PLXNC1: variants seen among roughly 807,000 people sequenced by gnomAD.
PLXNC1 encodes plexin-C1.
In PLXNC1, 75 loss-of-function variants were observed where a neutral mutation model predicts 178.2. The ratio of observed to expected loss-of-function variants is 0.42; its 90% confidence interval spans 0.35 to 0.51. The LOEUF (loss-of-function observed/expected upper bound fraction) is 0.51. Ranked by LOEUF, PLXNC1 falls within the 20% of genes least tolerant of loss-of-function variation. PLXNC1 has a pLI of 0.02. For missense variants in PLXNC1, 1,503 were observed against 1,984.4 expected (o/e 0.76, Z 4.61); for synonymous variants, 790 against 779.9 (o/e 1.01, Z -0.22).
intron 15 of PLXNC1, chr12:94,254,531 T>C: frequency 1.6e-6 from 1 of 625,082 alleles, no homozygotes; most frequent in East Asian, 3.3e-5. Flanking sequence ...AGCTTTCACT[T>C]GTAAAATGAG....
At chr12:94,263,166 A>G (rs914559675) in intron 20 of PLXNC1, among the ~76,000 whole-genome samples, 2 of 152,144 alleles carry the variant, frequency 1.3e-5, no homozygotes, top group East Asian at 1.9e-4. Context: ...TGATTCCCCA[A>G]ATCAGCCACA....
chr12:94,262,571 C>T, intron 20 of PLXNC1: 6 of 985,464 alleles, frequency 6.1e-6, no homozygotes, highest in Non-Finnish European at 7.2e-6. Context: ...GAGGGGGCGG[C>T]TCGGCTCGCC....
At position 94,186,451 on chromosome 12, in the gene PLXNC1, G is replaced by C; in HGVS notation, c.1417G>C (p.Gly473Arg). 3 of 1,612,898 alleles carry C rather than the reference G, an allele frequency of 1.9e-6. No homozygotes were observed. Among genetic ancestry groups the C allele is most frequent in the Non-Finnish European group, 2.5e-6 (3 of 1,178,936 alleles). The change falls in exon 4 of 31, where the codon GGT becomes CGT. Residue 473 changes from glycine to arginine, a missense_variant. Gly to Arg is a moderately radical substitution (Grantham distance 125, BLOSUM62 -2). Transcript: ENST00000258526. The part of the protein sequence containing the change: ...ECLTATDPHC[G>R]WCHSLQRCTF... The stretch of plus-strand genomic sequence containing the variant: ...TTTAACAGCCACAGACCCTCACTGC[G>C]GTTGGTGCCATTCGCTACAAAGGTA...
intron 23 of PLXNC1, among the ~76,000 whole-genome samples, chr12:94,284,028 A>G (rs1054020409): frequency 2.7e-5 from 4 of 147,292 alleles, no homozygotes; most frequent in Admixed American, 7.1e-5. Flanking sequence ...GGTTGCAGTG[A>G]GCTGAGATGG....
At chr12:94,266,620 G>C (rs1409523755) in intron 21 of PLXNC1, among the ~76,000 whole-genome samples, 1 of 152,160 alleles carries the variant, frequency 6.6e-6, no homozygotes, top group Non-Finnish European at 1.5e-5. Context: ...ATGGACTCTG[G>C]GGCCAGACAT....
At chr12:94,240,330 G>A (rs1159932305) in intron 10 of PLXNC1, among the ~76,000 whole-genome samples, 155 bp from the exon 11 acceptor site, 5 of 152,164 alleles carry the variant, frequency 3.3e-5, no homozygotes, top group Non-Finnish European at 7.4e-5. Context: ...ACCAACTTGG[G>A]TCACTGGCCC....
intron 4 of PLXNC1, among the ~76,000 whole-genome samples, chr12:94,205,351 A>C (rs1963267446): frequency 6.6e-6 from 1 of 152,248 alleles, no homozygotes; most frequent in South Asian, 2.1e-4. Flanking sequence ...GCTGAGCAGA[A>C]ACACAAATAA....
intron 5 of PLXNC1, among the ~76,000 whole-genome samples, chr12:94,213,951 C>T (rs1963567860): frequency 6.6e-6 from 1 of 151,482 alleles, no homozygotes; most frequent in African/African-American, 2.4e-5. Flanking sequence ...ACTGCAACCT[C>T]CACCTCCCAG....
intron 4 of PLXNC1, among the ~76,000 whole-genome samples, chr12:94,204,779 C>G (rs1475953970): frequency 6.6e-6 from 1 of 152,194 alleles, no homozygotes; most frequent in African/African-American, 2.4e-5. Context: ...AGCAAAAGAC[C>G]TTGGGTTGCT....
chr12:94,287,834 A>G (rs1966872003), intron 23 of PLXNC1, among the ~76,000 whole-genome samples: 1 of 152,174 alleles, frequency 6.6e-6, no homozygotes, highest in East Asian at 1.9e-4. Context: ...AACACGTATA[A>G]TGCTTCTTGT....
intron 4 of PLXNC1, among the ~76,000 whole-genome samples, chr12:94,209,303 G>A (rs1435279613): frequency 6.6e-6 from 1 of 152,152 alleles, no homozygotes; most frequent in Non-Finnish European, 1.5e-5. Context: ...AGATATATTT[G>A]GCGATGTCAT....
chr12:94,185,054 T>C (rs2135965271), intron 3 of PLXNC1, among the ~76,000 whole-genome samples: 1 of 152,352 alleles, frequency 6.6e-6, no homozygotes, highest in South Asian at 2.1e-4. Flanking sequence ...CATGAAGTCG[T>C]GATCCATTTT....
intron 9 of PLXNC1, among the ~76,000 whole-genome samples, chr12:94,229,089 G>A (rs897765312): frequency 2.6e-5 from 4 of 152,136 alleles, no homozygotes; most frequent in Non-Finnish European, 1.5e-5. Context: ...TTGTTTGATA[G>A]TAGCCATCCT....
At chr12:94,236,309 G>A (rs758777828) in intron 9 of PLXNC1, among the ~76,000 whole-genome samples, 7 of 152,210 alleles carry the variant, frequency 4.6e-5, no homozygotes, top group African/African-American at 1.2e-4. Context: ...TGATGGGGAC[G>A]ACTGTGCCGT....
chr12:94,281,992 T>C (rs1197674956), intron 22 of PLXNC1: 1 of 307,266 alleles, frequency 3.3e-6, no homozygotes, highest in Non-Finnish European at 6.3e-6. Context: ...TGTGAGCATA[T>C]ACAAATTTGC....
rs147062624 is a variant in PLXNC1 at position 94,224,503 on chromosome 12, C to G, written c.1790+188C>G. On this transcript the variant is annotated intron_variant, in intron 7 of 30. Transcript: ENST00000258526. ...CTCCGCTCGCACATTCTAGCCCTGA[C>G]TAGTAAGCTGGCGCTGCGAGGGAGA... is the stretch of plus-strand genomic sequence containing the variant. Among the ~76,000 whole-genome samples, 131 of 152,282 alleles carry G rather than the reference C, an allele frequency of 8.6e-4. 1 individual carries two copies. The highest frequency in any genetic ancestry group is 3.0e-3 in the African/African-American group (124 of 41,568).
At chr12:94,189,111 G>A (rs1420426010) in intron 4 of PLXNC1, among the ~76,000 whole-genome samples, 3 of 152,238 alleles carry the variant, frequency 2.0e-5, no homozygotes, top group African/African-American at 7.2e-5. Flanking sequence ...GCATGGTTTT[G>A]TCTTTCTCAA....
chr12:94,279,500 C>T lies in PLXNC1; in HGVS notation c.3626C>T (p.Pro1209Leu), dbSNP rs762396914. ...TTAAACGTCGTCTTTGAAAAAATCC[C>T]GGAAAACGAGAGTGCAGATGTCTGT... ...VALNVVFEKI[P>L]ENESADVCRN... The change falls in exon 22 of 31, where the codon CCG becomes CTG. Residue 1209 changes from proline to leucine, a missense_variant. Physicochemically the swap from Pro to Leu is moderately conservative, Grantham distance 98. This residue lies in a region of PLXNC1 where 639 missense variants were observed against 979.7 expected (regional missense o/e 0.65). Coordinates refer to ENST00000258526, the MANE Select transcript of PLXNC1 (RefSeq NM_005761.3). 1.4e-5 allele frequency: 22 copies of T among 1,613,330 alleles called. No homozygotes were observed. The highest frequency in any genetic ancestry group is 1.2e-4 in the South Asian group (11 of 91,030).
chr12:94,258,308 C>T (rs1381946077), intron 17 of PLXNC1, among the ~76,000 whole-genome samples: 5 of 151,972 alleles, frequency 3.3e-5, no homozygotes, highest in African/African-American at 9.7e-5. Context: ...TTTTTTGGGG[C>T]TTTTTTGCTT....
Sources: allele counts gnomAD v4.1 joint callset (sites outside exome capture counted in the v4.1 genomes callset), GRCh38; gene constraint gnomAD v4.1.1; regional missense constraint gnomAD v4.1.1; transcripts MANE v1.5; gene names NCBI Gene and HGNC (gene_info 2026-07-23, HGNC 2026-07-21).